The following ARRB1 variants were observed in gnomAD, a reference collection of about 807,000 sequenced individuals.
ARRB1 encodes beta-arrestin-1.
In ARRB1, 21 loss-of-function variants were observed where a neutral mutation model predicts 56.8. The ratio of observed to expected loss-of-function variants is 0.37; its 90% CI spans 0.26 to 0.53. The LOEUF (loss-of-function observed/expected upper bound fraction) is 0.53, where lower values mean the gene tolerates loss of function less well. ARRB1 is among the 20% of genes least tolerant of loss of function. ARRB1 has a pLI of 0.88. For synonymous variants in ARRB1, 210 were observed against 218.6 expected (o/e 0.96, Z 0.35); for missense variants, 424 against 553.7 (o/e 0.77, Z 2.35).
intron 1 of ARRB1, among the ~76,000 whole-genome samples, chr11:75,314,013 T>C (rs1345954489): frequency 6.6e-6 from 1 of 152,200 alleles, no homozygotes; most frequent in African/African-American, 2.4e-5. Context: ...CTTCACAATC[T>C]GGCCTCTGTC....
intron 15 of ARRB1, 54 bp downstream of exon 15, chr11:75,267,598 A>ACCCCGCCCCCCCCCGGCCCCC: frequency 7.0e-7 from 1 of 1,419,702 alleles, no homozygotes; most frequent in South Asian, 1.2e-5. Flanking sequence ...GACCCCCTCC[A>ACCCCGCCCCCCCCCGGCCCCC]CCCCGCCCAC....
intron 1 of ARRB1, among the ~76,000 whole-genome samples, chr11:75,351,199 G>A (rs1947845271): frequency 6.6e-6 from 1 of 152,200 alleles, no homozygotes; most frequent in Non-Finnish European, 1.5e-5. Context: ...GTATGACGGC[G>A]TGCCACTGCG....
At chr11:75,304,448 C>T (rs1434786233) in intron 1 of ARRB1, among the ~76,000 whole-genome samples, 4 of 151,886 alleles carry the variant, frequency 2.6e-5, no homozygotes, top group African/African-American at 7.3e-5. Flanking sequence ...AAAAAAACTG[C>T]CTTATATTTA....
intron 1 of ARRB1, among the ~76,000 whole-genome samples, chr11:75,338,670 C>G (rs1947649029): frequency 6.6e-6 from 1 of 152,198 alleles, no homozygotes; most frequent in Admixed American, 6.5e-5. Context: ...CAAGTATGCA[C>G]AGTGAATCAC....
chr11:75,282,803 A>C (rs1479587155), intron 5 of ARRB1, among the ~76,000 whole-genome samples: 1 of 152,244 alleles, frequency 6.6e-6, no homozygotes, highest in East Asian at 1.9e-4. Flanking sequence ...GGGAGAGACC[A>C]CACTGAATCT....
rs377310765 is a variant in ARRB1, at chr11:75,268,863, C to T, written c.1093+26G>A. 4.4e-6 allele frequency: 7 copies of T among 1,605,640 alleles called. No homozygotes were observed. In the Admixed American group the frequency reaches 1.2e-4, roughly 28 times the overall value. ...GTGGCAGCTGCTAGAGAACCCCTAC[C>T]CCAGAGACCTACAGATTCTGCTCAC... is the stretch of plus-strand genomic sequence containing the variant. On this transcript the variant is annotated intron_variant, in intron 14 of 15. Transcript: ENST00000420843.
At chr11:75,333,334 G>C (rs986850862) in intron 1 of ARRB1, among the ~76,000 whole-genome samples, 2 of 152,236 alleles carry the variant, frequency 1.3e-5, no homozygotes, top group Non-Finnish European at 2.9e-5. Flanking sequence ...TTGTAAGCAG[G>C]TTTCCAGCTA....
intron 1 of ARRB1, among the ~76,000 whole-genome samples, chr11:75,311,064 C>T (rs758938042): frequency 8.5e-5 from 13 of 152,284 alleles, no homozygotes; most frequent in Non-Finnish European, 1.5e-4. Flanking sequence ...GGGCCAGGCG[C>T]GGTGGCTCAT....
intron 1 of ARRB1, among the ~76,000 whole-genome samples, chr11:75,312,346 G>A (rs953188680): frequency 1.3e-5 from 2 of 152,236 alleles, no homozygotes; most frequent in Admixed American, 1.3e-4. Context: ...GTCTGCCTGT[G>A]TGTACTGCAC....
chr11:75,309,064 G>A (rs1425156904), intron 1 of ARRB1, among the ~76,000 whole-genome samples: 1 of 152,254 alleles, frequency 6.6e-6, no homozygotes, highest in Non-Finnish European at 1.5e-5. Flanking sequence ...CAGTTCAGGG[G>A]AGGCAACGCC....
intron 1 of ARRB1, among the ~76,000 whole-genome samples, chr11:75,327,683 G>A (rs1226630367): frequency 6.6e-6 from 1 of 151,404 alleles, no homozygotes; most frequent in Non-Finnish European, 1.5e-5. Context: ...CTGCCTCCTG[G>A]GTTCAAGCGA....
In ARRB1 at chr11:75,260,979, AG is replaced by A. The variant is rs2140379913; in HGVS notation, c.*5183del. On this transcript the variant is annotated 3_prime_UTR_variant, in exon 16 of 16. Transcript: ENST00000420843. ...CTGCTGTGTCCCTTGGGCCTAGGCCAGGAAAGTGGGGTGCCAGATAGGGGTG... is the reference window on the plus strand; with the variant it reads ...CTGCTGTGTCCCTTGGGCCTAGGCCAGAAAGTGGGGTGCCAGATAGGGGTG... 6.6e-6 allele frequency: 1 copy of A among 152,456 alleles called. No individual in the cohort carries two copies. The highest frequency in any genetic ancestry group is 2.4e-5 in the African/African-American group (1 of 41,566). 9.4% of individuals were successfully genotyped at this position (152,456 alleles called of 1,614,324 possible).
intron 3 of ARRB1, among the ~76,000 whole-genome samples, chr11:75,285,266 C>T (rs1043535003): frequency 1.3e-5 from 2 of 152,198 alleles, no homozygotes; most frequent in South Asian, 2.1e-4. Flanking sequence ...GCCAAGCACT[C>T]GAGAGCACTC....
At chr11:75,295,535 T>C (rs77304639) in intron 1 of ARRB1, among the ~76,000 whole-genome samples, 1,944 of 152,300 alleles carry the variant, frequency 0.013, 35 homozygotes, top group African/African-American at 0.042. Flanking sequence ...CCTGGGACTA[T>C]GTTGAACCCA....
At chr11:75,282,964 C>T (rs976021732) in intron 5 of ARRB1, among the ~76,000 whole-genome samples, 5 of 152,188 alleles carry the variant, frequency 3.3e-5, no homozygotes, top group South Asian at 2.1e-4. Flanking sequence ...CTGATCTGAG[C>T]GGGAAACCCC....
intron 5 of ARRB1, among the ~76,000 whole-genome samples, chr11:75,282,923 C>T (rs903562834): frequency 2.0e-5 from 3 of 152,220 alleles, no homozygotes; most frequent in African/African-American, 4.8e-5. Context: ...CCCTCTCTTG[C>T]GAGCTGGGTT....
At chr11:75,297,626 A>C (rs1946785364) in intron 1 of ARRB1, among the ~76,000 whole-genome samples, 1 of 152,056 alleles carries the variant, frequency 6.6e-6, no homozygotes, top group South Asian at 2.1e-4. Flanking sequence ...GCACTTTGGG[A>C]GGCTGAGGCG....
intron 13 of ARRB1, chr11:75,271,410 C>A: frequency 3.1e-6 from 1 of 324,876 alleles, no homozygotes. Flanking sequence ...CCAAAAGCTC[C>A]TATAATTCAG....
intron 14 of ARRB1, among the ~76,000 whole-genome samples, chr11:75,268,533 AAAAG>A (rs1945995520): frequency 1.3e-5 from 2 of 149,644 alleles, no homozygotes; most frequent in Non-Finnish European, 3.0e-5. Flanking sequence ...AAAAAAAAAA[AAAAG>A]AAGAAGAAAA....
Sources: allele counts gnomAD v4.1 joint callset (sites outside exome capture counted in the v4.1 genomes callset), GRCh38; gene constraint gnomAD v4.1.1; transcripts MANE v1.5; gene names NCBI Gene and HGNC (gene_info 2026-07-23, HGNC 2026-07-21).